PECR: variants seen among roughly 807,000 people sequenced by gnomAD.
The protein encoded by PECR is 2,4-dienoyl-CoA reductase-related protein.
In PECR, 30 loss-of-function variants were observed where a neutral mutation model predicts 35.3. The observed-to-expected ratio is 0.85, with a 90% CI of 0.64 to 1.15. The LOEUF is 1.15. PECR is among the 50% of genes most tolerant of loss of function. The probability of loss-of-function intolerance (pLI) is 0.00; values close to 1 mark genes in which losing one functional copy is unlikely to be tolerated. For synonymous variants in PECR, 148 were observed against 138.9 expected (o/e 1.07, Z -0.46); for missense variants, 392 against 370.8 (o/e 1.06, Z -0.47).
intron 7 of PECR, among the ~76,000 whole-genome samples, chr2:216,039,808 G>C (rs528752149): frequency 6.6e-6 from 1 of 152,108 alleles, no homozygotes; most frequent in Non-Finnish European, 1.5e-5. Flanking sequence ...TCCATTTAAC[G>C]ATCTAGAAGG....
intron 1 of PECR, among the ~76,000 whole-genome samples, chr2:216,076,690 C>T (rs112218675): frequency 4.6e-5 from 7 of 151,932 alleles, no homozygotes; most frequent in East Asian, 2.0e-4. Context: ...GTCCCAGCTA[C>T]GTGGCAGGCT....
chr2:216,066,632 T>C, intron 1 of PECR, 114 bp from the exon 2 acceptor site: 1 of 875,460 alleles, frequency 1.1e-6, no homozygotes, highest in Non-Finnish European at 1.9e-6. Context: ...TCATGAGTTG[T>C]CCAAATTCCA....
chr2:216,051,255 C>T (rs1043877507), intron 5 of PECR, among the ~76,000 whole-genome samples, 194 bp downstream of exon 5: 7 of 142,932 alleles, frequency 4.9e-5, no homozygotes, highest in East Asian at 4.0e-4. Context: ...CACTGCACTC[C>T]GGCCTGGGCG....
chr2:216,040,224 T>A (rs746094675), intron 7 of PECR, among the ~76,000 whole-genome samples: 6 of 152,204 alleles, frequency 3.9e-5, no homozygotes. Context: ...CATTTTGAGT[T>A]GTGACTAAAA....
intron 1 of PECR, 58 bp downstream of exon 1, chr2:216,081,560 T>C (rs1402683291): frequency 3.7e-6 from 6 of 1,607,890 alleles, no homozygotes; most frequent in Non-Finnish European, 5.1e-6. Context: ...GGCTCCCGTC[T>C]CCAGGTTACC....
At chr2:216,062,948 T>A (rs906026549) in intron 3 of PECR, among the ~76,000 whole-genome samples, 1 of 152,226 alleles carries the variant, frequency 6.6e-6, no homozygotes, top group African/African-American at 2.4e-5. Flanking sequence ...TAGGTTTGTG[T>A]AGGTACACTC....
At position 216,048,145 on chromosome 2, in the gene PECR, G is replaced by A. The variant is rs1024328761; in HGVS notation, c.714+1118C>T. ...GCTGGAGTGCAGTGGTGCAATCTCA[G>A]CTCACTGCAAGCTCCGCCTCCCGGG... On this transcript the variant is annotated intron_variant, in intron 6 of 7. Transcript: ENST00000265322. Among the ~76,000 whole-genome samples, 5 of 151,834 alleles carry A rather than the reference G, an allele frequency of 3.3e-5. 2 individuals carry two copies. Among genetic ancestry groups the A allele is most frequent in the Non-Finnish European group, 7.4e-5 (5 of 67,976 alleles).
At chr2:216,077,551 T>C (rs2105971160) in intron 1 of PECR, among the ~76,000 whole-genome samples, 1 of 151,624 alleles carries the variant, frequency 6.6e-6, no homozygotes, top group East Asian at 1.9e-4. Context: ...CTCACGCCTG[T>C]AATCCCAGCA....
chr2:216,080,224 G>A (rs189455288), intron 1 of PECR, among the ~76,000 whole-genome samples: 3 of 152,116 alleles, frequency 2.0e-5, no homozygotes, highest in Admixed American at 1.3e-4. Flanking sequence ...TGGGACTACA[G>A]GTGTACGCCA....
chr2:216,071,445 C>CAA (rs763923162), intron 1 of PECR, among the ~76,000 whole-genome samples: 4 of 149,618 alleles, frequency 2.7e-5, no homozygotes, highest in African/African-American at 9.9e-5. Flanking sequence ...AACAGTATAG[C>CAA]AAAGAAAAAA....
At chr2:216,040,334 C>G (rs1030341804) in intron 7 of PECR, among the ~76,000 whole-genome samples, 36 of 152,200 alleles carry the variant, frequency 2.4e-4, no homozygotes, top group Non-Finnish European at 2.9e-5. Flanking sequence ...GCAATCATGG[C>G]TCACTGCAAC....
chr2:216,079,696 A>G (rs1695790045), intron 1 of PECR, among the ~76,000 whole-genome samples: 2 of 145,958 alleles, frequency 1.4e-5, no homozygotes, highest in Admixed American at 1.4e-4. Context: ...TAAAAGTAAA[A>G]TTGGGCCGGG....
At chr2:216,075,925 G>A (rs1303508162) in intron 1 of PECR, among the ~76,000 whole-genome samples, 2 of 152,152 alleles carry the variant, frequency 1.3e-5, no homozygotes, top group Non-Finnish European at 2.9e-5. Flanking sequence ...GTAACAGAAA[G>A]TGAATGATTA....
chr2:216,050,365 T>C (rs1695084133), intron 5 of PECR, among the ~76,000 whole-genome samples: 1 of 152,236 alleles, frequency 6.6e-6, no homozygotes, highest in Non-Finnish European at 1.5e-5. Flanking sequence ...CAAATGATAC[T>C]GATACTGGAG....
chr2:216,051,424 A>G, intron 5 of PECR, 25 bp downstream of exon 5: 4 of 1,369,118 alleles, frequency 2.9e-6, no homozygotes, highest in Non-Finnish European at 4.2e-6. Context: ...TTGTCAATAA[A>G]TTTCAATATA....
In PECR at chr2:216,051,488, T is replaced by C. The variant is rs771932728; in HGVS notation, c.564A>G (p.Glu188=). 1.9e-6 allele frequency: 3 copies of C among 1,612,966 alleles called. No homozygotes were observed. In the South Asian group the frequency reaches 3.3e-5, roughly 18 times the overall value. ...VYNLTKSLAL[E]WACSGIRINC... ...TGATCCGTATTCCACTGCAGGCCCA[T>C]TCCAAAGCTAAAGATTTGGTGAGGT... The change falls in exon 5 of 8, where the codon GAA becomes GAG. Residue 188 remains glutamate (E), a synonymous_variant. Coordinates refer to ENST00000265322, the MANE Select transcript of PECR (RefSeq NM_018441.6).
At position 216,065,597 on chromosome 2, in the gene PECR, T is replaced by C. The variant is rs147439311; in HGVS notation, c.259-120A>G. 168 of 710,664 alleles carry C rather than the reference T, an allele frequency of 2.4e-4. 1 individual carries two copies. The highest frequency in any genetic ancestry group is 4.0e-4 in the Non-Finnish European group (155 of 391,750). 44.0% of individuals were successfully genotyped at this position (710,664 alleles called of 1,614,324 possible). A position where few individuals can be genotyped will look rare whatever the true frequency, so the allele number is the denominator to read the frequency against. ...TCTCACAGTGAACAGTCACTCCAAG[T>C]GCCACAATGAATGAACATGCAGCAA... On this transcript the variant is annotated intron_variant, in intron 2 of 7. Coordinates refer to ENST00000265322, the MANE Select transcript of PECR (RefSeq NM_018441.6).
chr2:216,045,981 A>G (rs1433615590), intron 6 of PECR, among the ~76,000 whole-genome samples: 1 of 152,090 alleles, frequency 6.6e-6, no homozygotes, highest in Admixed American at 6.6e-5. Flanking sequence ...AATTCGAACC[A>G]GCATGGCCAG....
intron 4 of PECR, among the ~76,000 whole-genome samples, chr2:216,052,823 C>CA (rs1695143153): frequency 6.6e-6 from 1 of 152,080 alleles, no homozygotes; most frequent in Non-Finnish European, 1.5e-5. Context: ...TCAGAGACTC[C>CA]AACTGTCTCA....
Sources: gnomAD v4.1 joint callset for allele counts (sites outside exome capture counted in the v4.1 genomes callset) on GRCh38, gnomAD v4.1.1 for gene constraint, MANE v1.5 for transcripts, NCBI Gene and HGNC (gene_info 2026-07-23, HGNC 2026-07-21) for gene names.